The following PHF3 variants were observed in gnomAD, a reference collection of about 807,000 sequenced individuals.
The protein encoded by PHF3 is PHD finger protein 3.
In PHF3, 41 loss-of-function variants were observed where a neutral mutation model predicts 178.4. The observed-to-expected ratio is 0.23, with a 90% confidence interval of 0.18 to 0.30. The LOEUF (loss-of-function observed/expected upper bound fraction) is 0.30. Ranked by LOEUF, PHF3 falls within the 10% of genes least tolerant of loss-of-function variation. The pLI is 1.00. For synonymous variants in PHF3, 842 were observed against 800.5 expected (o/e 1.05, Z -0.88); for missense variants, 2,346 against 2,398.1 (o/e 0.98, Z 0.45).
intron 1 of PHF3, among the ~76,000 whole-genome samples, chr6:63,643,743 G>A (rs1342858660): frequency 6.6e-6 from 1 of 152,112 alleles, no homozygotes; most frequent in Admixed American, 6.5e-5. Context: ...TACTTCATAA[G>A]TCATAATAGT....
intron 1 of PHF3, among the ~76,000 whole-genome samples, chr6:63,645,769 A>G (rs1764757744): frequency 6.6e-6 from 1 of 152,206 alleles, no homozygotes; most frequent in South Asian, 2.1e-4. Flanking sequence ...TACAATTCAA[A>G]TGGGAGACTA....
At chr6:63,671,274 A>C (rs539950449) in intron 2 of PHF3, among the ~76,000 whole-genome samples, 1 of 152,210 alleles carries the variant, frequency 6.6e-6, no homozygotes, top group Non-Finnish European at 1.5e-5. Flanking sequence ...TTGCATACCT[A>C]TCATATGCCA....
rs1300260504 is a variant in PHF3 at position 63,720,457 on chromosome 6, A to G, written c.*6749A>G. ...ACCTTCAGTGACATTTTACAATCTT[A>G]TCAAAAAGATATGTTAGCATTTAGA... On this transcript the variant is annotated 3_prime_UTR_variant, in exon 16 of 16. Coordinates refer to ENST00000262043, the MANE Select transcript of PHF3 (RefSeq NM_001370348.2). 1 of 609,448 alleles carries G rather than the reference A, an allele frequency of 1.6e-6. No individual in the cohort carries two copies. The allele number at this position is 609,448 out of a possible 1,614,324, so 37.8% of individuals were successfully genotyped here. A position where few individuals can be genotyped will look rare whatever the true frequency, so the allele number is the denominator to read the frequency against.
rs1768038110 is a variant in PHF3, at chr6:63,713,150, C to T, written c.5562C>T (p.Pro1854=). Residue 1854 remains proline (P), a synonymous_variant, in exon 16 of 16, where the codon CCC becomes CCT. Coordinates refer to ENST00000262043, the MANE Select transcript of PHF3 (RefSeq NM_001370348.2). ...GCTTTGCTCAAAATCCCATGGTTCC[C>T]TGGCCACCTGTTGTTCATCTCCCAG... ...GFGFAQNPMV[P]WPPVVHLPGQ... is the part of the protein sequence containing the mutation. 1 of 1,614,056 alleles carries T rather than the reference C, an allele frequency of 6.2e-7. No individual in the cohort carries two copies. The highest frequency in any genetic ancestry group is 8.5e-7 in the Non-Finnish European group (1 of 1,179,984).
intron 2 of PHF3, among the ~76,000 whole-genome samples, chr6:63,674,984 T>A (rs1766104114): frequency 6.6e-6 from 1 of 152,178 alleles, no homozygotes; most frequent in Admixed American, 6.5e-5. Context: ...TCTGAATGGT[T>A]TTTATTCTCT....
intron 14 of PHF3, 36 bp from the exon 15 acceptor site, chr6:63,711,131 T>G (rs898760764): frequency 6.8e-7 from 1 of 1,471,908 alleles, no homozygotes; most frequent in Non-Finnish European, 9.2e-7. Context: ...CTTTAGCTTA[T>G]TACCTTAAAC....
chr6:63,701,513 T>G (rs558854833), intron 9 of PHF3, among the ~76,000 whole-genome samples: 1 of 152,338 alleles, frequency 6.6e-6, no homozygotes, highest in East Asian at 1.9e-4. Context: ...GGCATCAGAA[T>G]GTTAGCCCCT....
chr6:63,671,106 CT>C (rs563692137), intron 2 of PHF3, among the ~76,000 whole-genome samples: 197 of 141,582 alleles, frequency 1.4e-3, no homozygotes, highest in Admixed American at 1.5e-3. Context: ...GGTCGAGCTG[CT>C]TTTTTTTTTT....
At chr6:63,638,999 C>T (rs984942342) in intron 1 of PHF3, among the ~76,000 whole-genome samples, 3 of 152,082 alleles carry the variant, frequency 2.0e-5, no homozygotes, top group East Asian at 1.9e-4. Flanking sequence ...AAACAAGATT[C>T]ATTGACATCT....
intron 2 of PHF3, among the ~76,000 whole-genome samples, chr6:63,662,716 A>G (rs1360948163): frequency 6.6e-6 from 1 of 152,190 alleles, no homozygotes. Flanking sequence ...CTTTAAGTGA[A>G]TCGTGAATGA....
intron 2 of PHF3, among the ~76,000 whole-genome samples, chr6:63,676,611 G>A (rs1332269339): frequency 6.6e-6 from 1 of 152,182 alleles, no homozygotes; most frequent in African/African-American, 2.4e-5. Context: ...AATCAGCAGG[G>A]GGAGGAGATG....
chr6:63,674,668 A>G (rs1275678002), intron 2 of PHF3, among the ~76,000 whole-genome samples: 7 of 152,114 alleles, frequency 4.6e-5, no homozygotes, highest in African/African-American at 1.2e-4. Flanking sequence ...AGGTGTTCAC[A>G]TATTTTCTTA....
At position 63,685,695 on chromosome 6, in the gene PHF3, A is replaced by C; in HGVS notation, c.1973A>C (p.Glu658Ala). 1 of 1,614,160 alleles carries C rather than the reference A, an allele frequency of 6.2e-7. No homozygotes were observed. The highest frequency in any genetic ancestry group is 8.5e-7 in the Non-Finnish European group (1 of 1,180,030). The change falls in exon 4 of 16, where the codon GAG becomes GCG. Residue 658 changes from glutamate (E) to alanine (A), a missense_variant. Physicochemically the swap from Glu to Ala is moderately radical, Grantham distance 107 (BLOSUM62 -1). Around this residue, in one of 8 missense-constraint regions of PHF3, gnomAD observed 843 missense variants for 795.2 expected, o/e 1.06. Coordinates refer to ENST00000262043, the MANE Select transcript of PHF3 (RefSeq NM_001370348.2). ...CCAGGCGTTGAGCATTTTAAGGAAG[A>C]GGATAAACTGAAACTGAAAAAACCT... Reference protein sequence around the residue: ...EHPGVEHFKEEDKLKLKKPEK... With the variant: ...EHPGVEHFKEADKLKLKKPEK...
chr6:63,659,873 T>C (rs1765393230), intron 2 of PHF3, among the ~76,000 whole-genome samples: 1 of 152,182 alleles, frequency 6.6e-6, no homozygotes, highest in Non-Finnish European at 1.5e-5. Flanking sequence ...TGAGAATGGT[T>C]AATTTCCTGA....
chr6:63,662,901 A>C (rs911341195), intron 2 of PHF3, among the ~76,000 whole-genome samples: 1 of 152,216 alleles, frequency 6.6e-6, no homozygotes, highest in Non-Finnish European at 1.5e-5. Flanking sequence ...AGAGTCTGAG[A>C]TTAGGATGAG....
rs370127570 is a variant in PHF3 at position 63,712,852 on chromosome 6, G to C, written c.5264G>C (p.Arg1755Pro). The change falls in exon 16 of 16, where the codon CGA becomes CCA. Residue 1755 changes from arginine (R) to proline (P), a missense_variant. Transcript: ENST00000262043. ...AATATTGAAACTGTGCACCCATTTC[G>C]AAGAGGATCAGCAGTAGCGACATCT... ...MQNIETVHPF[R>P]RGSAVATSHF... The C allele has an allele frequency of 2.5e-6, 4 of 1,613,886 alleles. No homozygotes were observed. The Admixed American group carries it at 5.0e-5, about 20-fold the overall frequency.
chr6:63,658,321 T>C (rs1270800390), intron 2 of PHF3, among the ~76,000 whole-genome samples: 1 of 152,230 alleles, frequency 6.6e-6, no homozygotes, highest in African/African-American at 2.4e-5. Context: ...CCTAGAATTG[T>C]ATTTAAATCT....
chr6:63,672,720 C>T (rs936486626), intron 2 of PHF3, among the ~76,000 whole-genome samples: 8 of 152,050 alleles, frequency 5.3e-5, no homozygotes, highest in Non-Finnish European at 1.2e-4. Flanking sequence ...GTGGATGAGC[C>T]GTAACCTAGC....
At chr6:63,662,140 C>G (rs1485035987) in intron 2 of PHF3, among the ~76,000 whole-genome samples, 1 of 152,102 alleles carries the variant, frequency 6.6e-6, no homozygotes, top group Non-Finnish European at 1.5e-5. Flanking sequence ...TGAGGTGGAA[C>G]AATTTTATCA....
Sources: allele counts gnomAD v4.1 joint callset (sites outside exome capture counted in the v4.1 genomes callset), GRCh38; gene constraint gnomAD v4.1.1; regional missense constraint gnomAD v4.1.1; transcripts MANE v1.5; gene names NCBI Gene and HGNC (gene_info 2026-07-23, HGNC 2026-07-21).